The following CPT2 variants were observed in gnomAD, a reference collection of about 807,000 sequenced individuals.
CPT2 encodes the protein carnitine O-palmitoyltransferase 2, mitochondrial.
In CPT2, 37 loss-of-function variants were observed where a neutral mutation model predicts 48.6. The ratio of observed to expected loss-of-function variants is 0.76; its 90% CI spans 0.59 to 1.00. The LOEUF is 1.00. Ranked by LOEUF, CPT2 falls within the 50% of genes least tolerant of loss-of-function variation. The pLI is 0.00. For missense variants in CPT2, 772 were observed against 825.6 expected, an observed-to-expected ratio of 0.94 and a Z score of 0.80; for synonymous variants, 319 against 326.9, an observed-to-expected ratio of 0.98 and a Z score of 0.26.
intron 3 of CPT2, among the ~76,000 whole-genome samples, chr1:53,207,171 G>T (rs1027159095): frequency 6.6e-6 from 1 of 152,218 alleles, no homozygotes; most frequent in Non-Finnish European, 1.5e-5. Flanking sequence ...CACCATGATT[G>T]TAAGTTTCCT....
Position 53,196,971 on chromosome 1 carries a change from T to TAGCAAG in CPT2, c.28_29insAGCAAG (p.Trp10delinsTer), listed in dbSNP as rs1374482155. The stretch of plus-strand genomic sequence containing the variant: ...GGTGCCCCGCCTGCTGCTGCGCGCC[T>TAGCAAG]GGCCCCGGGGCCCCGCGGTTGGTCC... On this transcript the variant is annotated stop_gained, in exon 1 of 5. Coordinates refer to ENST00000371486, the MANE Select transcript of CPT2 (RefSeq NM_000098.3). LOFTEE classifies it high-confidence loss of function. 5 of 1,530,492 alleles carry TAGCAAG rather than the reference T, an allele frequency of 3.3e-6. No individual in the cohort carries two copies. In the South Asian group the frequency reaches 6.0e-5, roughly 18 times the overall value. The allele number at this position is 1,530,492 out of a possible 1,614,324, so 94.8% of individuals were successfully genotyped here.
rs1469396631 is a variant in CPT2, at chr1:53,196,989, G to T, written c.46G>T (p.Val16Phe). Residue 16 changes from valine to phenylalanine, a missense_variant, in exon 1 of 5, where the codon GTT becomes TTT. By Grantham distance (50) the Val-to-Phe change is conservative. Coordinates refer to ENST00000371486, the MANE Select transcript of CPT2 (RefSeq NM_000098.3). ...GCGCGCCTGGCCCCGGGGCCCCGCG[G>T]TTGGTCCGGGAGCCCCCAGTCGGCC... ...LLRAWPRGPA[V>F]GPGAPSRPLS... The T allele has an allele frequency of 1.3e-6, 2 of 1,527,038 alleles. No homozygotes were observed. Among genetic ancestry groups the T allele is most frequent in the Non-Finnish European group, 8.7e-7 (1 of 1,142,992 alleles). The allele number at this position is 1,527,038 out of a possible 1,614,324, so 94.6% of individuals were successfully genotyped here.
intron 3 of CPT2, chr1:53,209,675 C>CT (rs1250642998): frequency 6.1e-6 from 2 of 325,740 alleles, no homozygotes; most frequent in African/African-American, 4.4e-5. Flanking sequence ...ACTCAGGAGG[C>CT]TGAGGCAGGA....
chr1:53,197,483 C>T, intron 1 of CPT2: 1 of 312,430 alleles, frequency 3.2e-6, no homozygotes, highest in Non-Finnish European at 6.1e-6. Context: ...TTAATGACTG[C>T]CTCACATTCC....
chr1:53,211,233 C>T lies in CPT2; in HGVS notation c.1559C>T (p.Pro520Leu), dbSNP rs776754218. 2.6e-5 allele frequency: 42 copies of T among 1,610,452 alleles called. No homozygotes were observed. In the East Asian group the frequency reaches 9.2e-4, roughly 35 times the overall value. The change falls in exon 4 of 5, where the codon CCC (proline) becomes CTC (leucine). Residue 520 changes from proline (P) to leucine (L), a missense_variant. Transcript: ENST00000371486. ...KRCSEAFVRE[P>L]SRHSAGELQQ... ...TGCTCTGAGGCCTTTGTCAGGGAGC[C>T]CTCCAGGCACAGTGCTGGTGAGCTT...
chr1:53,211,057 G>T lies in CPT2; in HGVS notation c.1383G>T (p.Leu461=), dbSNP rs779999942. 7 of 1,614,194 alleles carry T rather than the reference G, an allele frequency of 4.3e-6. No homozygotes were observed. Among genetic ancestry groups the T allele is most frequent in the Non-Finnish European group, 5.9e-6 (7 of 1,180,032 alleles). Reference sequence around the variant, plus strand: ...AAGAATTCCTGAAGAAGCAAAAGCTGAGCCCTGACGCAGTTGCCCAGCTGG... The same window carrying T: ...AAGAATTCCTGAAGAAGCAAAAGCTTAGCCCTGACGCAGTTGCCCAGCTGG... ...GGKEFLKKQK[L]SPDAVAQLAF... is the part of the protein sequence containing the mutation. Residue 461 remains leucine (L), a synonymous_variant, in exon 4 of 5, where the codon CTG becomes CTT. Transcript: ENST00000371486.
In CPT2 at chr1:53,213,701, G is replaced by A; in HGVS notation, c.*106G>A. 3 of 1,053,034 alleles carry A rather than the reference G, an allele frequency of 2.8e-6. No individual in the cohort carries two copies. The highest frequency in any genetic ancestry group is 4.2e-6 in the Non-Finnish European group (3 of 706,690). The allele number at this position is 1,053,034 out of a possible 1,614,324, so 65.2% of individuals were successfully genotyped here. A position where few individuals can be genotyped will look rare whatever the true frequency, so the allele number is the denominator to read the frequency against. On this transcript the variant is annotated 3_prime_UTR_variant, in exon 5 of 5. Transcript: ENST00000371486. Reference sequence around the variant, plus strand: ...CCCAGCATTTTGAGAGGCTGAGGCGGGTGGATCACTTGAGGTCAGGAGTTT... The same window carrying A: ...CCCAGCATTTTGAGAGGCTGAGGCGAGTGGATCACTTGAGGTCAGGAGTTT...
chr1:53,207,201 G>A (rs369531361), intron 3 of CPT2, among the ~76,000 whole-genome samples: 31 of 152,160 alleles, frequency 2.0e-4, no homozygotes, highest in East Asian at 1.3e-3. Context: ...CCAGCCATGC[G>A]GAACTAAGTC....
In CPT2 at chr1:53,210,601, T is replaced by A. The variant is rs780168485; in HGVS notation, c.927T>A (p.Ser309Arg). Residue 309 changes from serine (S) to arginine (R), a missense_variant, in exon 4 of 5, where the codon AGT (serine) becomes AGA (arginine). Transcript: ENST00000371486. The part of the protein sequence containing the change: ...WAELRQKLMS[S>R]GNEESLRKVD... Reference sequence around the variant, plus strand: ...AGCTCAGGCAGAAGCTGATGAGTAGTGGCAATGAGGAGAGCCTGAGGAAAG... The same window carrying A: ...AGCTCAGGCAGAAGCTGATGAGTAGAGGCAATGAGGAGAGCCTGAGGAAAG... The A allele has an allele frequency of 6.2e-7, 1 of 1,614,150 alleles. No individual in the cohort carries two copies. Among genetic ancestry groups the A allele is most frequent in the Non-Finnish European group, 8.5e-7 (1 of 1,180,038 alleles).
At position 53,213,496 on chromosome 1, in the gene CPT2, T is replaced by A. The variant is rs761631943; in HGVS notation, c.1878T>A (p.Ser626=). The A allele has an allele frequency of 3.1e-6, 5 of 1,614,242 alleles. No homozygotes were observed. Among genetic ancestry groups the A allele is most frequent in the Non-Finnish European group, 4.2e-6 (5 of 1,180,040 alleles). ...ACAACTGGATAGGCTGCAATGTCTC[T>A]TCCTACCCAGGCCGCAATGCCCGGG... is the stretch of plus-strand genomic sequence containing the variant. ...VHDNWIGCNV[S]SYPGRNAREF... is the part of the protein sequence containing the mutation. The change falls in exon 5 of 5, where the codon TCT becomes TCA. Residue 626 remains serine (S), a synonymous_variant. Transcript: ENST00000371486.
In CPT2 at chr1:53,210,874, G is replaced by A. The variant is rs2100273793; in HGVS notation, c.1200G>A (p.Gln400=). 2 of 1,614,188 alleles carry A rather than the reference G, an allele frequency of 1.2e-6. No individual in the cohort carries two copies. The highest frequency in any genetic ancestry group is 1.7e-6 in the Non-Finnish European group (2 of 1,180,036). Residue 400 remains glutamine, a synonymous_variant, in exon 4 of 5, where the codon CAG becomes CAA. Coordinates refer to ENST00000371486, the MANE Select transcript of CPT2 (RefSeq NM_000098.3). ...DSTQTPAVTP[Q]SQPATTDSTV... The stretch of plus-strand genomic sequence containing the variant: ...CTCAGACCCCTGCCGTCACTCCACA[G>A]AGCCAGCCAGCTACCACTGACTCTA...
chr1:53,212,731 G>A (rs1645437529), intron 4 of CPT2: 5 of 407,606 alleles, frequency 1.2e-5, no homozygotes, highest in Non-Finnish European at 2.2e-5. Context: ...AGTGCTGGAA[G>A]TGAAAGGGAC....
intron 2 of CPT2, 105 bp downstream of exon 2, chr1:53,200,904 T>C: frequency 1.1e-6 from 1 of 887,612 alleles, no homozygotes; most frequent in East Asian, 2.4e-5. Context: ...TGGCTGGGTC[T>C]CCAGGAACCC....
rs1027209249 is a variant in CPT2 at position 53,214,094 on chromosome 1, A to C, written c.*499A>C. On this transcript the variant is annotated 3_prime_UTR_variant, in exon 5 of 5. Transcript: ENST00000371486. ...GACTAGATCACAACTGAAGATAACA[A>C]GAGATTTAAGTTTTAAGGGCATTTA... The C allele has an allele frequency of 1.2e-5, 2 of 168,804 alleles. No individual in the cohort carries two copies. Among genetic ancestry groups the C allele is most frequent in the African/African-American group, 4.8e-5 (2 of 41,636 alleles). 10.5% of individuals were successfully genotyped at this position (168,804 alleles called of 1,614,324 possible). A position where few individuals can be genotyped will look rare whatever the true frequency, so the allele number is the denominator to read the frequency against.
chr1:53,211,135 G>A lies in CPT2; in HGVS notation c.1461G>A (p.Glu487=). ...ACGGGCAGACAGTGGCCACCTACGA[G>A]TCCTGTAGCACTGCCGCATTCAAGC... ...RQYGQTVATY[E]SCSTAAFKHG... Residue 487 remains glutamate, a synonymous_variant, in exon 4 of 5, where the codon GAG becomes GAA. Transcript: ENST00000371486. 1 of 1,613,802 alleles carries A rather than the reference G, an allele frequency of 6.2e-7. No homozygotes were observed. The highest frequency in any genetic ancestry group is 8.5e-7 in the Non-Finnish European group (1 of 1,179,804).
intron 1 of CPT2, among the ~76,000 whole-genome samples, chr1:53,198,347 T>G (rs895191944): frequency 1.3e-5 from 2 of 152,358 alleles, no homozygotes; most frequent in African/African-American, 4.8e-5. Context: ...CTGGGACCAC[T>G]TAACCCAACG....
In CPT2 at chr1:53,199,796, A is replaced by T. The variant is rs1284821024; in HGVS notation, c.153-923A>T. On this transcript the variant is annotated intron_variant, in intron 1 of 4. Coordinates refer to ENST00000371486, the MANE Select transcript of CPT2 (RefSeq NM_000098.3). Reference sequence around the variant, plus strand: ...TATTTTTGTCATATTATGGATAAACATGCATTACAAATAAACTGATGAACC... The same window carrying T: ...TATTTTTGTCATATTATGGATAAACTTGCATTACAAATAAACTGATGAACC... 3 of 152,326 alleles carry T rather than the reference A, an allele frequency of 2.0e-5. No homozygotes were observed. The East Asian group carries it at 5.8e-4, about 29-fold the overall frequency. The allele number at this position is 152,326 out of a possible 1,614,324, so 9.4% of individuals were successfully genotyped here. A position where few individuals can be genotyped will look rare whatever the true frequency, so the allele number is the denominator to read the frequency against.
intron 1 of CPT2, among the ~76,000 whole-genome samples, chr1:53,198,447 A>T (rs576935903): frequency 4.0e-4 from 61 of 152,210 alleles, no homozygotes; most frequent in African/African-American, 1.4e-3. Flanking sequence ...TGAAAATGAG[A>T]TTATCTACAC....
intron 3 of CPT2, chr1:53,208,403 A>C (rs1239039716): frequency 1.3e-5 from 2 of 152,206 alleles, no homozygotes; most frequent in East Asian, 3.8e-4. Context: ...TTATTTATAG[A>C]GTTTATTCAT....
Sources: gnomAD v4.1 joint callset for allele counts (sites outside exome capture counted in the v4.1 genomes callset) on GRCh38, gnomAD v4.1.1 for gene constraint, MANE v1.5 for transcripts, NCBI Gene and HGNC (gene_info 2026-07-23, HGNC 2026-07-21) for gene names.